Variants in SNX17 observed in about 807,000 individuals in gnomAD.
SNX17 encodes sorting nexin-17.
SNX17 carries 35 observed loss-of-function variants against 64.3 expected under a neutral mutation model. The ratio of observed to expected loss-of-function variants is 0.54; its 90% confidence interval spans 0.42 to 0.72. SNX17 has a LOEUF of 0.72. Among genes scored for constraint, SNX17 ranks in the 30% least tolerant of loss-of-function variants. The probability of loss-of-function intolerance (pLI) is 0.00; values close to 1 mark genes in which losing one functional copy is unlikely to be tolerated. For synonymous variants in SNX17, 259 were observed against 230.2 expected, an observed-to-expected ratio of 1.13 and a Z score of -1.13; for missense variants, 538 against 610.0, an observed-to-expected ratio of 0.88 and a Z score of 1.24.
intron 2 of SNX17, among the ~76,000 whole-genome samples, chr2:27,371,944 G>A (rs1342324908): frequency 6.6e-6 from 1 of 152,194 alleles, no homozygotes; most frequent in Non-Finnish European, 1.5e-5. Context: ...GAGTGCAGTG[G>A]CACGATCTCG....
chr2:27,373,793 T>C, intron 4 of SNX17, 68 bp from the exon 5 acceptor site: 2 of 1,084,886 alleles, frequency 1.8e-6, no homozygotes, highest in East Asian at 2.4e-5. Flanking sequence ...GACCTAGAAA[T>C]AGAGTTGGGC....
chr2:27,370,620 G>T lies in SNX17; in HGVS notation c.-124G>T. 1.4e-6 allele frequency: 2 copies of T among 1,452,998 alleles called. No homozygotes were observed. Among genetic ancestry groups the T allele is most frequent in the East Asian group, 2.5e-5 (1 of 39,838 alleles). 90.0% of individuals were successfully genotyped at this position (1,452,998 alleles called of 1,614,324 possible). On this transcript the variant is annotated 5_prime_UTR_variant, in exon 1 of 15. Coordinates refer to ENST00000233575, the MANE Select transcript of SNX17 (RefSeq NM_014748.4). Reference sequence around the variant, plus strand: ...CGACGTCCCACCGCCTTCCCACATCGGATCGCAGGGCTCCCAAAATGGCGA... The same window carrying T: ...CGACGTCCCACCGCCTTCCCACATCTGATCGCAGGGCTCCCAAAATGGCGA...
Position 27,374,130 on chromosome 2 carries a change from T to G in SNX17, c.478T>G (p.Phe160Val). 1 of 1,614,188 alleles carries G rather than the reference T, an allele frequency of 6.2e-7. No individual in the cohort carries two copies. The highest frequency in any genetic ancestry group is 8.5e-7 in the Non-Finnish European group (1 of 1,180,030). ...TCTTCCAGATGACTTGATTGGATAC[T>G]TTAGTCTATTCTTAGTTCGAGAAAA... ...LDLPDDLIGYFSLFLVREKED... is the reference protein window; with the variant it reads ...LDLPDDLIGYVSLFLVREKED... The change falls in exon 6 of 15, where the codon TTT becomes GTT. Residue 160 changes from phenylalanine to valine, a missense_variant. By Grantham distance (50) the Phe-to-Val change is conservative. Around this residue, in one of 3 missense-constraint regions of SNX17, gnomAD observed 505 missense variants for 550.4 expected, o/e 0.92. Transcript: ENST00000233575.
chr2:27,371,450 C>A lies in SNX17; in HGVS notation c.138+107C>A, dbSNP rs114846720. 3,136 of 1,459,730 alleles carry A rather than the reference C, an allele frequency of 2.1e-3. 56 individuals are homozygous for A. In the African/African-American group the frequency reaches 0.041, roughly 19 times the overall value. 90.4% of individuals were successfully genotyped at this position (1,459,730 alleles called of 1,614,324 possible). On this transcript the variant is annotated intron_variant, in intron 2 of 14. Coordinates refer to ENST00000233575, the MANE Select transcript of SNX17 (RefSeq NM_014748.4). Reference sequence around the variant, plus strand: ...CTTGTTCCCGTAGGCTGTAGTTCCCCTTTAATCACTGCCACAGGGTAGGGC... The same window carrying A: ...CTTGTTCCCGTAGGCTGTAGTTCCCATTTAATCACTGCCACAGGGTAGGGC...
In SNX17 at chr2:27,370,684, C is replaced by A. The variant is rs942054067; in HGVS notation, c.-60C>A. ...GACTCGCTGAGCAGCGGAGGGGGAG[C>A]GTGCAGAGCCGCTGCGGCCCTCACA... On this transcript the variant is annotated 5_prime_UTR_variant, in exon 1 of 15. Coordinates refer to ENST00000233575, the MANE Select transcript of SNX17 (RefSeq NM_014748.4). 2.5e-5 allele frequency: 37 copies of A among 1,496,302 alleles called. No individual in the cohort carries two copies. Among genetic ancestry groups the A allele is most frequent in the Non-Finnish European group, 3.3e-5 (37 of 1,116,554 alleles). The allele number at this position is 1,496,302 out of a possible 1,614,324, so 92.7% of individuals were successfully genotyped here. A position where few individuals can be genotyped will look rare whatever the true frequency, so the allele number is the denominator to read the frequency against.
At chr2:27,373,436 C>T in intron 4 of SNX17, 125 bp downstream of exon 4, 1 of 927,740 alleles carries the variant, frequency 1.1e-6, no homozygotes, top group South Asian at 1.5e-5. Context: ...GATCTCAGCT[C>T]ACTGCAATCT....
intron 3 of SNX17, 136 bp from the exon 4 acceptor site, chr2:27,373,111 G>C: frequency 6.3e-7 from 1 of 1,581,122 alleles, no homozygotes; most frequent in Non-Finnish European, 8.6e-7. Flanking sequence ...AACAGTGAGT[G>C]AGGTGAGGCC....
At position 27,376,803 on chromosome 2, in the gene SNX17, G is replaced by T. The variant is rs140813510; in HGVS notation, c.*84G>T. On this transcript the variant is annotated 3_prime_UTR_variant, in exon 15 of 15. Transcript: ENST00000233575. Reference sequence around the variant, plus strand: ...TGCCTGTGTCCCCCATGCTAGGGGCGGAGGGGTCTTTTCCTTCTTCTTTCC... The same window carrying T: ...TGCCTGTGTCCCCCATGCTAGGGGCTGAGGGGTCTTTTCCTTCTTCTTTCC... The T allele has an allele frequency of 8.6e-7, 1 of 1,160,706 alleles. No individual in the cohort carries two copies. The highest frequency in any genetic ancestry group is 1.3e-6 in the Non-Finnish European group (1 of 791,114). 71.9% of individuals were successfully genotyped at this position (1,160,706 alleles called of 1,614,324 possible).
rs564439252 is a variant in SNX17 at position 27,376,883 on chromosome 2, C to G, written c.*164C>G. ...CTCGTATCCTACCTTTCCTTGTCCC[C>G]TGGGCTGGCTGCACAGAGGATTGCC... On this transcript the variant is annotated 3_prime_UTR_variant, in exon 15 of 15. Coordinates refer to ENST00000233575, the MANE Select transcript of SNX17 (RefSeq NM_014748.4). The G allele has an allele frequency of 8.0e-6, 5 of 623,254 alleles. No individual in the cohort carries two copies. Among genetic ancestry groups the G allele is most frequent in the Middle Eastern group, 4.3e-4 (1 of 2,322 alleles). The allele number at this position is 623,254 out of a possible 1,614,324, so 38.6% of individuals were successfully genotyped here.
intron 2 of SNX17, chr2:27,371,624 T>C: frequency 3.0e-6 from 1 of 330,366 alleles, no homozygotes; most frequent in Non-Finnish European, 5.2e-6. Flanking sequence ...AACCAACCCC[T>C]CCCCCCACTA....
At position 27,374,004 on chromosome 2, in the gene SNX17, C is replaced by G. The variant is rs200520954; in HGVS notation, c.432+33C>G. On this transcript the variant is annotated intron_variant, in intron 5 of 14. Transcript: ENST00000233575. The stretch of plus-strand genomic sequence containing the variant: ...GCTTGTTCAGCACTGCCCCTTCTTC[C>G]CCTACATCCTGGGGTCCTGGGCTTG... The G allele has an allele frequency of 1.5e-4, 238 of 1,609,558 alleles. 2 individuals are homozygous for G. The highest frequency in any genetic ancestry group is 1.2e-3 in the Middle Eastern group (7 of 6,056).
Position 27,375,939 on chromosome 2 carries a change from C to G in SNX17, c.1072C>G (p.Arg358Gly), listed in dbSNP as rs760608513. Residue 358 changes from arginine to glycine, a missense_variant, in exon 11 of 15, where the codon CGG becomes GGG. Coordinates refer to ENST00000233575, the MANE Select transcript of SNX17 (RefSeq NM_014748.4). The surrounding 1 kb of genome is among the most constrained non-coding windows in gnomAD (Gnocchi z 4.1). ...LAFEYLMSKDRLQWVTITSPQ... is the reference protein window; with the variant it reads ...LAFEYLMSKDGLQWVTITSPQ... ...TTTTGAATACCTCATGAGCAAGGACCGGCTACAGTGGGTCACCATCACTAG... is the reference window on the plus strand; with the variant it reads ...TTTTGAATACCTCATGAGCAAGGACGGGCTACAGTGGGTCACCATCACTAG... The G allele has an allele frequency of 6.2e-7, 1 of 1,614,096 alleles. No individual in the cohort carries two copies. The highest frequency in any genetic ancestry group is 1.1e-5 in the South Asian group (1 of 91,084).
intron 4 of SNX17, 69 bp from the exon 5 acceptor site, chr2:27,373,792 A>G (rs752499331): frequency 1.9e-6 from 2 of 1,079,468 alleles, no homozygotes; most frequent in Non-Finnish European, 2.8e-6. Flanking sequence ...GGACCTAGAA[A>G]TAGAGTTGGG....
chr2:27,375,256 A>G lies in SNX17; in HGVS notation c.774+103A>G. The G allele has an allele frequency of 1.8e-6, 2 of 1,123,468 alleles. No homozygotes were observed. Among genetic ancestry groups the G allele is most frequent in the Non-Finnish European group, 1.3e-6 (1 of 775,988 alleles). The allele number at this position is 1,123,468 out of a possible 1,614,324, so 69.6% of individuals were successfully genotyped here. A position where few individuals can be genotyped will look rare whatever the true frequency, so the allele number is the denominator to read the frequency against. ...CAGATTCATGCCATTCTCCCGCCTC[A>G]GCCTCCCGAGTAGCTGGGACTACAG... On this transcript the variant is annotated intron_variant, in intron 9 of 14. Coordinates refer to ENST00000233575, the MANE Select transcript of SNX17 (RefSeq NM_014748.4). This position sits in a 1 kb window ranked among gnomAD's most constrained non-coding sequence, Gnocchi z 4.1.
chr2:27,372,969 CTT>C, intron 3 of SNX17: 2 of 1,393,448 alleles, frequency 1.4e-6, no homozygotes, highest in Non-Finnish European at 2.0e-6. Flanking sequence ...TAACACTAGT[CTT>C]AATATCAGTG....
At chr2:27,373,730 A>G (rs1311656482) in intron 4 of SNX17, 131 bp from the exon 5 acceptor site, 2 of 662,426 alleles carry the variant, frequency 3.0e-6, no homozygotes, top group African/African-American at 1.8e-5. Flanking sequence ...TTCTTATGAA[A>G]TCAAAGAAAT....
Position 27,372,904 on chromosome 2 carries a change from ACT to A in SNX17, c.256+167_256+168del, listed in dbSNP as rs1230055181. ...AGTAAATAGTGTACGAGGATGTGTAACTCTGTGTACTAGCAAAACAATTTGGG... is the reference window on the plus strand; with the variant it reads ...AGTAAATAGTGTACGAGGATGTGTAACTGTGTACTAGCAAAACAATTTGGG... On this transcript the variant is annotated intron_variant, in intron 3 of 14. Coordinates refer to ENST00000233575, the MANE Select transcript of SNX17 (RefSeq NM_014748.4). 7.8e-5 allele frequency: 95 copies of A among 1,225,230 alleles called. No homozygotes were observed. The African/African-American group carries it at 1.1e-3, about 14-fold the overall frequency. The allele number at this position is 1,225,230 out of a possible 1,614,324, so 75.9% of individuals were successfully genotyped here. A position where few individuals can be genotyped will look rare whatever the true frequency, so the allele number is the denominator to read the frequency against.
Position 27,375,549 on chromosome 2 carries a change from G to C in SNX17, c.818G>C (p.Arg273Pro). The C allele has an allele frequency of 2.5e-6, 4 of 1,614,160 alleles. No individual in the cohort carries two copies. Among genetic ancestry groups the C allele is most frequent in the Non-Finnish European group, 3.4e-6 (4 of 1,180,044 alleles). The change falls in exon 10 of 15, where the codon CGC (arginine) becomes CCC (proline). Residue 273 changes from arginine (R) to proline (P), a missense_variant. Arg to Pro is a moderately radical substitution (Grantham distance 103, BLOSUM62 -2). Transcript: ENST00000233575. The surrounding 1 kb of genome is among the most constrained non-coding windows in gnomAD (Gnocchi z 4.1). ...AQTLRHYGYLRFDACVADFPE... is the reference protein window; with the variant it reads ...AQTLRHYGYLPFDACVADFPE... ...ACGCTGCGGCACTATGGCTACTTGC[G>C]CTTTGATGCCTGTGTGGCTGACTTC...
At chr2:27,371,203 C>G (rs1200525657) in intron 1 of SNX17, 66 bp from the exon 2 acceptor site, 1 of 1,462,238 alleles carries the variant, frequency 6.8e-7, no homozygotes, top group African/African-American at 1.4e-5. Flanking sequence ...CAACTTCCGG[C>G]CAGGGTTCTC....
Sources: allele counts gnomAD v4.1 joint callset (sites outside exome capture counted in the v4.1 genomes callset), GRCh38; gene constraint gnomAD v4.1.1; regional missense constraint gnomAD v4.1.1; non-coding constraint Gnocchi (gnomAD v3.1); transcripts MANE v1.5; gene names NCBI Gene and HGNC (gene_info 2026-07-23, HGNC 2026-07-21).